The following PTPRA variants were observed in gnomAD, a reference collection of about 807,000 sequenced individuals.
PTPRA encodes the protein receptor-type tyrosine-protein phosphatase alpha.
Under a neutral mutation model 104.8 loss-of-function variants are expected in PTPRA, and 25 were observed. That is an observed-to-expected ratio of 0.24 (90% CI 0.17 to 0.33). The LOEUF (loss-of-function observed/expected upper bound fraction) is 0.33. Ranked by LOEUF, PTPRA falls within the 10% of genes least tolerant of loss-of-function variation. PTPRA has a pLI of 1.00. For synonymous variants in PTPRA, 323 were observed against 368.9 expected, an observed-to-expected ratio of 0.88 and a Z score of 1.43; for missense variants, 765 against 1,015.3, an observed-to-expected ratio of 0.75 and a Z score of 3.35.
intron 1 of PTPRA, among the ~76,000 whole-genome samples, chr20:2,907,325 C>T (rs1399000682): frequency 6.6e-6 from 1 of 150,646 alleles, no homozygotes; most frequent in Non-Finnish European, 1.5e-5. Flanking sequence ...AAAAAAAAAG[C>T]ATGATAAAAC....
At chr20:2,865,799 G>A in the PTPRA span, 1 of 486,394 alleles carries the variant, frequency 2.1e-6, no homozygotes, top group Non-Finnish European at 3.7e-6. This position sits in a 1 kb window ranked among gnomAD's most constrained non-coding sequence, Gnocchi z 5.2. Flanking sequence ...GGTGGAGGGG[G>A]CACAGGGAGG....
chr20:2,921,311 C>CTGG (rs2060087511), intron 1 of PTPRA, among the ~76,000 whole-genome samples: 1 of 143,362 alleles, frequency 7.0e-6, no homozygotes, highest in African/African-American at 2.6e-5. Context: ...TCCTTAGTAC[C>CTGG]TGGGAATGCG....
intron 3 of PTPRA, among the ~76,000 whole-genome samples, chr20:2,948,315 C>T (rs1022380614): frequency 7.9e-5 from 12 of 152,146 alleles, no homozygotes; most frequent in Non-Finnish European, 8.8e-5. Flanking sequence ...TATGTTATTC[C>T]CACTATAAAA....
intron 13 of PTPRA, among the ~76,000 whole-genome samples, chr20:3,018,858 T>C (rs1396317718): frequency 1.3e-3 from 39 of 29,960 alleles, no homozygotes; most frequent in Middle Eastern, 0.017. Context: ...GGGGGGCTGA[T>C]CCCCCCACCT....
At position 2,931,718 on chromosome 20, in the gene PTPRA, T is replaced by TTGTG. The variant is rs11469421; in HGVS notation, c.-50+8459_-50+8462dup. 1.5e-3 allele frequency among the ~76,000 whole-genome samples: 225 copies of TTGTG among 149,832 alleles called. 1 individual carries two copies. The highest frequency in any genetic ancestry group is 4.6e-3 in the African/African-American group (189 of 40,880). On this transcript the variant is annotated intron_variant, in intron 2 of 23. Coordinates refer to ENST00000399903, the MANE Select transcript of PTPRA (RefSeq NM_001385305.1). ...AGTGAAGGCAGGGACGGGTCTTGGC[T>TTGTG]TGTGTGTGTGTGTGTGTGTGTGTGT...
chr20:2,871,636 G>T (rs939127022), upstream of PTPRA, among the ~76,000 whole-genome samples: 9 of 152,210 alleles, frequency 5.9e-5, no homozygotes, highest in Non-Finnish European at 2.9e-5. Flanking sequence ...AGCTACTGAG[G>T]TACCTCCTGC....
chr20:2,910,199 A>G (rs1269915617), intron 1 of PTPRA, among the ~76,000 whole-genome samples: 3 of 94,798 alleles, frequency 3.2e-5, no homozygotes, highest in East Asian at 2.8e-4. Flanking sequence ...TATATGATAT[A>G]TATACTATAT....
In PTPRA at chr20:3,022,361, C is replaced by T; in HGVS notation, c.1328+141C>T. On this transcript the variant is annotated intron_variant, in intron 15 of 23. Coordinates refer to ENST00000399903, the MANE Select transcript of PTPRA (RefSeq NM_001385305.1). The surrounding 1 kb of genome is among the most constrained non-coding windows in gnomAD (Gnocchi z 4.6). The stretch of plus-strand genomic sequence containing the variant: ...GGGGCACCAGCGCAACAGCCAGAGA[C>T]TCCAAGTTCTAGTGCAGGGTGGAGA... 8.9e-7 allele frequency: 1 copy of T among 1,122,230 alleles called. No homozygotes were observed. 69.5% of individuals were successfully genotyped at this position (1,122,230 alleles called of 1,614,324 possible).
intron 20 of PTPRA, among the ~76,000 whole-genome samples, chr20:3,033,270 A>G (rs1204628017): frequency 6.6e-6 from 1 of 151,884 alleles, no homozygotes. Flanking sequence ...TTAGCCATCT[A>G]AATAAATAGT....
intron 3 of PTPRA, 22 bp downstream of exon 3, chr20:2,948,046 T>C (rs1315596756): frequency 1.6e-5 from 17 of 1,049,892 alleles, no homozygotes; most frequent in Non-Finnish European, 2.2e-5. Context: ...AATAGTTTTT[T>C]AAGTTTTTTC....
chr20:2,909,922 ATTG>A (rs1168178931), intron 1 of PTPRA, among the ~76,000 whole-genome samples: 48 of 126,462 alleles, frequency 3.8e-4, no homozygotes, highest in African/African-American at 4.6e-4. Context: ...TATGTTATAT[ATTG>A]TTATATATAA....
chr20:2,959,970 A>ATATAGAGCATTCCTAAATACCAC, intron 3 of PTPRA, among the ~76,000 whole-genome samples: 1 of 151,956 alleles, frequency 6.6e-6, no homozygotes, highest in East Asian at 1.9e-4. Context: ...AAGAAAGAAA[A>ATATAGAGCATTCCTAAATACCAC]TATAGAGCAT....
intron 5 of PTPRA, among the ~76,000 whole-genome samples, chr20:2,973,526 C>A (rs936475083): frequency 6.6e-6 from 1 of 152,010 alleles, no homozygotes; most frequent in Non-Finnish European, 1.5e-5. Flanking sequence ...GTAGACAGGG[C>A]CTTCGTCTCA....
chr20:2,969,453 G>A (rs969027059), intron 5 of PTPRA, among the ~76,000 whole-genome samples: 1 of 151,746 alleles, frequency 6.6e-6, no homozygotes, highest in Non-Finnish European at 1.5e-5. Flanking sequence ...CACCATGTTG[G>A]CCATGCTGGT....
At chr20:3,029,314 ATT>A (rs979427623) in intron 20 of PTPRA, among the ~76,000 whole-genome samples, 1 of 151,118 alleles carries the variant, frequency 6.6e-6, no homozygotes, top group Non-Finnish European at 1.5e-5. Context: ...TAGTTTTTGT[ATT>A]TTTTTGTAGA....
intron 2 of PTPRA, among the ~76,000 whole-genome samples, chr20:2,930,481 A>G (rs1440883114): frequency 6.6e-6 from 1 of 152,174 alleles, no homozygotes; most frequent in African/African-American, 2.4e-5. Context: ...ACAAAGTACC[A>G]TAAACTCGGT....
At chr20:2,876,598 ATTTG>A in intron 1 of PTPRA, among the ~76,000 whole-genome samples, 1 of 152,272 alleles carries the variant, frequency 6.6e-6, no homozygotes, top group East Asian at 1.9e-4. Flanking sequence ...TGGGTTAAAT[ATTTG>A]TTTCCAGGTT....
chr20:2,888,978 C>T (rs2058698821), intron 1 of PTPRA, among the ~76,000 whole-genome samples: 1 of 152,130 alleles, frequency 6.6e-6, no homozygotes, highest in Admixed American at 6.6e-5. Flanking sequence ...ATTACTTAAA[C>T]CATCCATACT....
chr20:3,007,429 C>A lies in PTPRA; in HGVS notation c.906+9C>A, dbSNP rs1033313319. The A allele has an allele frequency of 1.2e-6, 2 of 1,612,016 alleles. No individual in the cohort carries two copies. The highest frequency in any genetic ancestry group is 1.7e-6 in the Non-Finnish European group (2 of 1,178,160). ...ATGCTTCATTCATCAACGTAAGGAT[C>A]GGGTGCTTTCCCTGTCACTTCCCTG... On this transcript the variant is annotated intron_variant, in intron 11 of 23. Transcript: ENST00000399903.
Sources: allele counts gnomAD v4.1 joint callset (sites outside exome capture counted in the v4.1 genomes callset), GRCh38; gene constraint gnomAD v4.1.1; non-coding constraint Gnocchi (gnomAD v3.1); transcripts MANE v1.5; gene names NCBI Gene and HGNC (gene_info 2026-07-23, HGNC 2026-07-21).